CAPN8: variants seen among roughly 807,000 people sequenced by gnomAD.
CAPN8 encodes the protein calpain 8, also known as calpain-8.
Under a neutral mutation model 80.9 loss-of-function variants are expected in CAPN8, and 87 were observed. The ratio of observed to expected loss-of-function variants is 1.07; its 90% CI spans 0.90 to 1.28. The LOEUF is 1.28. Among genes scored for constraint, CAPN8 ranks in the 50% most tolerant of loss-of-function variants. The pLI, the probability that CAPN8 is intolerant of heterozygous loss-of-function variation, is 0.00. For synonymous variants in CAPN8, 299 were observed against 273.8 expected (o/e 1.09, Z -0.91); for missense variants, 757 against 702.0 (o/e 1.08, Z -0.89).
Position 223,549,276 on chromosome 1 carries a change from C to T in CAPN8, c.1764+42G>A, listed in dbSNP as rs758663559. 4.1e-5 allele frequency: 62 copies of T among 1,521,876 alleles called. No individual in the cohort carries two copies. In the Middle Eastern group the frequency reaches 5.2e-4, roughly 13 times the overall value. The allele number at this position is 1,521,876 out of a possible 1,614,324, so 94.3% of individuals were successfully genotyped here. On this transcript the variant is annotated intron_variant, in intron 16 of 20. Coordinates refer to ENST00000366872, the MANE Select transcript of CAPN8 (RefSeq NM_001143962.2). ...GGTGGAGGAGTCTTTAAAAACCGGA[C>T]GAAAGTAAAAAAAAAAAAATAATGC...
rs1323271987 is a variant in CAPN8, at chr1:223,628,652, A to G, written c.426+10T>C. 1.3e-6 allele frequency: 2 copies of G among 1,542,408 alleles called. No individual in the cohort carries two copies. The highest frequency in any genetic ancestry group is 8.8e-7 in the Non-Finnish European group (1 of 1,138,728). ...AAACAGCAACAAAGGGCCAGAGCAGAGCACAGTACCTGAAAGTGAAAGATT... is the reference window on the plus strand; with the variant it reads ...AAACAGCAACAAAGGGCCAGAGCAGGGCACAGTACCTGAAAGTGAAAGATT... On this transcript the variant is annotated intron_variant, in intron 3 of 20. Coordinates refer to ENST00000366872, the MANE Select transcript of CAPN8 (RefSeq NM_001143962.2).
intron 10 of CAPN8, among the ~76,000 whole-genome samples, chr1:223,614,035 G>A (rs902100710): frequency 6.6e-6 from 1 of 152,230 alleles, no homozygotes; most frequent in Non-Finnish European, 1.5e-5. Flanking sequence ...TATTATTTAT[G>A]AGCGCAAATG....
intron 16 of CAPN8, among the ~76,000 whole-genome samples, chr1:223,548,675 T>G (rs1353150883): frequency 1.3e-5 from 2 of 152,168 alleles, no homozygotes; most frequent in African/African-American, 2.4e-5. Context: ...GATCTTGGCC[T>G]TCTCAGCCTC....
intron 3 of CAPN8, 68 bp from the exon 4 acceptor site, chr1:223,628,210 G>T (rs1343874685): frequency 6.8e-7 from 1 of 1,467,260 alleles, no homozygotes; most frequent in African/African-American, 1.4e-5. Flanking sequence ...CCCTCCAGGG[G>T]ACCTCACGTG....
intron 7 of CAPN8, 83 bp from the exon 8 acceptor site, chr1:223,620,349 CT>C (rs1389236629): frequency 8.1e-7 from 1 of 1,238,942 alleles, no homozygotes; most frequent in Non-Finnish European, 1.2e-6. Flanking sequence ...AAGCTTCCCC[CT>C]AAGAGCCAGA....
chr1:223,622,385 C>T (rs1264641719), intron 7 of CAPN8, among the ~76,000 whole-genome samples: 1 of 152,130 alleles, frequency 6.6e-6, no homozygotes, highest in East Asian at 1.9e-4. Context: ...GCCCGGGGCT[C>T]CTAGGGTCAA....
At chr1:223,645,558 G>C (rs553409820) in intron 2 of CAPN8, among the ~76,000 whole-genome samples, 1 of 152,216 alleles carries the variant, frequency 6.6e-6, no homozygotes, top group Non-Finnish European at 1.5e-5. Context: ...TCTGAAGGGG[G>C]TGGGGGGACC....
chr1:223,648,517 C>T (rs1220057712), intron 2 of CAPN8, among the ~76,000 whole-genome samples: 1 of 152,242 alleles, frequency 6.6e-6, no homozygotes, highest in African/African-American at 2.4e-5. Context: ...GCTGACACTA[C>T]TCCCAGTTAC....
At chr1:223,663,086 AC>A (rs1482541317) in intron 1 of CAPN8, among the ~76,000 whole-genome samples, 1 of 152,210 alleles carries the variant, frequency 6.6e-6, no homozygotes, top group Non-Finnish European at 1.5e-5. Context: ...CTTCAATTGC[AC>A]CTTCCGCATT....
chr1:223,646,940 T>A (rs918982157), intron 2 of CAPN8, among the ~76,000 whole-genome samples: 3 of 152,170 alleles, frequency 2.0e-5, no homozygotes, highest in Non-Finnish European at 4.4e-5. Flanking sequence ...CTCTAGGACT[T>A]GATCTTCAGA....
chr1:223,541,707 C>T lies in CAPN8; in HGVS notation c.*129G>A. On this transcript the variant is annotated 3_prime_UTR_variant, in exon 21 of 21. Transcript: ENST00000366872. The stretch of plus-strand genomic sequence containing the variant: ...CATAGCTCAGTGCTGCTGAAATAGA[C>T]CCAGGGCAAGAAAGGTATGAACAAC... 6.9e-7 allele frequency: 1 copy of T among 1,448,688 alleles called. No individual in the cohort carries two copies. Among genetic ancestry groups the T allele is most frequent in the East Asian group, 2.5e-5 (1 of 40,340 alleles). 89.7% of individuals were successfully genotyped at this position (1,448,688 alleles called of 1,614,324 possible).
chr1:223,543,024 G>C, intron 20 of CAPN8, 84 bp downstream of exon 20: 1 of 1,452,964 alleles, frequency 6.9e-7, no homozygotes, highest in Non-Finnish European at 9.4e-7. Flanking sequence ...CAGCCAACAG[G>C]AATAAGCATC....
chr1:223,659,717 A>T (rs1658594928), intron 1 of CAPN8, among the ~76,000 whole-genome samples: 1 of 152,106 alleles, frequency 6.6e-6, no homozygotes, highest in Non-Finnish European at 1.5e-5. Context: ...TAACAGCTAG[A>T]TTTCCTTATT....
At chr1:223,555,486 G>GA (rs1325226674) in intron 13 of CAPN8, among the ~76,000 whole-genome samples, 9 of 152,220 alleles carry the variant, frequency 5.9e-5, no homozygotes, top group South Asian at 2.1e-4. Context: ...ATTTTTAGAA[G>GA]AAAAAATGAT....
intron 7 of CAPN8, among the ~76,000 whole-genome samples, 152 bp from the exon 8 acceptor site, chr1:223,620,418 G>A (rs558895243): frequency 2.0e-5 from 3 of 152,260 alleles, no homozygotes; most frequent in East Asian, 1.9e-4. Flanking sequence ...AGTGTGGCGC[G>A]AGCACACTGT....
At chr1:223,544,640 C>A in intron 18 of CAPN8, 132 bp downstream of exon 18, 3 of 1,270,360 alleles carry the variant, frequency 2.4e-6, no homozygotes, top group Non-Finnish European at 3.2e-6. Context: ...CTCAACAAAG[C>A]TCTGTTGTTG....
intron 15 of CAPN8, 70 bp from the exon 16 acceptor site, chr1:223,549,452 T>C: frequency 6.5e-7 from 1 of 1,547,136 alleles, no homozygotes; most frequent in Non-Finnish European, 8.7e-7. Context: ...ACCTCCACGG[T>C]AGAAGACCTC....
At chr1:223,627,560 A>C (rs758977040) in intron 4 of CAPN8, among the ~76,000 whole-genome samples, 6 of 152,256 alleles carry the variant, frequency 3.9e-5, no homozygotes, top group Non-Finnish European at 5.9e-5. Flanking sequence ...GGTATCAGTA[A>C]ACAAAACTAA....
Position 223,620,222 on chromosome 1 carries a change from A to G in CAPN8, c.944T>C (p.Leu315Pro), listed in dbSNP as rs372504407. The G allele has an allele frequency of 5.8e-6, 9 of 1,551,692 alleles. No individual in the cohort carries two copies. Among genetic ancestry groups the G allele is most frequent in the Non-Finnish European group, 7.8e-6 (9 of 1,146,990 alleles). The change falls in exon 8 of 21, where the codon CTG becomes CCG. Residue 315 changes from leucine to proline, a missense_variant. By Grantham distance (98) the Leu-to-Pro change is moderately conservative (BLOSUM62 -3). Transcript: ENST00000366872. ...NHIDPRRKEE[L>P]DKKVEDGEFW... ...TTCTCCATCCTCAACTTTCTTGTCCAGTTCTTCCTTCCGCCGGGGGTCTAT... is the reference window on the plus strand; with the variant it reads ...TTCTCCATCCTCAACTTTCTTGTCCGGTTCTTCCTTCCGCCGGGGGTCTAT...
Sources: gnomAD v4.1 joint callset for allele counts (sites outside exome capture counted in the v4.1 genomes callset) on GRCh38, gnomAD v4.1.1 for gene constraint, MANE v1.5 for transcripts, NCBI Gene and HGNC (gene_info 2026-07-23, HGNC 2026-07-21) for gene names.